The following NRG3 variants were observed in gnomAD, a reference collection of about 807,000 sequenced individuals.
NRG3 encodes the protein pro-neuregulin-3, membrane-bound isoform.
In NRG3, 31 loss-of-function variants were observed where a neutral mutation model predicts 66.9. The observed-to-expected ratio is 0.46, with a 90% CI of 0.35 to 0.63. The LOEUF (loss-of-function observed/expected upper bound fraction) is 0.63. Among genes scored for constraint, NRG3 ranks in the 20% least tolerant of loss-of-function variants. The probability of loss-of-function intolerance (pLI) is 0.00; values close to 1 mark genes in which losing one functional copy is unlikely to be tolerated. For synonymous variants in NRG3, 393 were observed against 359.4 expected (o/e 1.09, Z -1.06); for missense variants, 910 against 878.9 (o/e 1.04, Z -0.45).
At chr10:81,876,223 C>G (rs1430562609) in intron 1 of NRG3, 60 bp downstream of exon 1, 1 of 1,505,184 alleles carries the variant, frequency 6.6e-7, no homozygotes, top group Non-Finnish European at 8.9e-7. Context: ...TGCCCTCCTG[C>G]TGTCTTTTTC....
rs2049266598 is a variant in NRG3 at position 82,624,446 on chromosome 10, C to T, written c.954-114131C>T. Among the ~76,000 whole-genome samples, 2 of 152,042 alleles carry T rather than the reference C, an allele frequency of 1.3e-5. 1 individual carries two copies. Among genetic ancestry groups the T allele is most frequent in the South Asian group, 4.1e-4 (2 of 4,832 alleles). On this transcript the variant is annotated intron_variant, in intron 2 of 8. Transcript: ENST00000372141. Reference sequence around the variant, plus strand: ...AACCATTCTCCTTTTTCCCTTGTGGCAAAATCTAATGATTCCTATCTTTAA... The same window carrying T: ...AACCATTCTCCTTTTTCCCTTGTGGTAAAATCTAATGATTCCTATCTTTAA...
intron 3 of NRG3, among the ~76,000 whole-genome samples, chr10:82,829,009 A>C (rs2062384464): frequency 6.6e-6 from 1 of 152,166 alleles, no homozygotes; most frequent in Non-Finnish European, 1.5e-5. Context: ...TTTTCTCTTT[A>C]GTAAATTTTT....
At chr10:82,442,909 T>C (rs1285058306) in intron 2 of NRG3, among the ~76,000 whole-genome samples, 2 of 150,028 alleles carry the variant, frequency 1.3e-5, no homozygotes, top group Non-Finnish European at 2.9e-5. Flanking sequence ...TTTGGTGTTG[T>C]AGGCTGAACG....
chr10:82,065,872 T>A (rs895274508), intron 1 of NRG3, among the ~76,000 whole-genome samples: 1 of 152,198 alleles, frequency 6.6e-6, no homozygotes, highest in African/African-American at 2.4e-5. Flanking sequence ...CAACTCTTTG[T>A]GTAGTTAAAA....
chr10:82,297,584 A>T (rs1159770486), intron 1 of NRG3, among the ~76,000 whole-genome samples: 1 of 152,184 alleles, frequency 6.6e-6, no homozygotes, highest in African/African-American at 2.4e-5. Context: ...ATTCACCCAT[A>T]AGAAAGCCCC....
At chr10:82,433,609 T>TAA (rs2089957179) in intron 2 of NRG3, among the ~76,000 whole-genome samples, 1 of 152,232 alleles carries the variant, frequency 6.6e-6, no homozygotes, top group Non-Finnish European at 1.5e-5. Flanking sequence ...TTAATCCATC[T>TAA]TCAATTAATT....
At chr10:82,191,402 T>C (rs1438974701) in intron 1 of NRG3, among the ~76,000 whole-genome samples, 1 of 152,164 alleles carries the variant, frequency 6.6e-6, no homozygotes, top group Non-Finnish European at 1.5e-5. Context: ...TGGCCAATTA[T>C]GTATAAATGC....
At chr10:82,926,624 A>T (rs1340209397) in intron 4 of NRG3, among the ~76,000 whole-genome samples, 2 of 152,192 alleles carry the variant, frequency 1.3e-5, no homozygotes, top group Non-Finnish European at 2.9e-5. Flanking sequence ...CCTGACAGAA[A>T]TTTCTTCCCA....
At chr10:82,682,105 A>G (rs181426121) in intron 2 of NRG3, among the ~76,000 whole-genome samples, 259 of 152,316 alleles carry the variant, frequency 1.7e-3, no homozygotes, top group African/African-American at 5.9e-3. Context: ...AAATTTGGAG[A>G]ATAAAAGGTT....
intron 2 of NRG3, among the ~76,000 whole-genome samples, chr10:82,547,873 G>A (rs2044032499): frequency 6.6e-6 from 1 of 152,028 alleles, no homozygotes; most frequent in African/African-American, 2.4e-5. Flanking sequence ...AGGAGATAAA[G>A]CAGAAGAAAC....
chr10:82,291,155 AAC>A lies in NRG3; in HGVS notation c.824-67567_824-67566del, dbSNP rs139150473. Among the ~76,000 whole-genome samples the A allele has an allele frequency of 2.6e-3, 385 of 150,242 alleles. 7 individuals carry two copies. Among genetic ancestry groups the A allele is most frequent in the South Asian group, 1.3e-3 (6 of 4,756 alleles). Reference sequence around the variant, plus strand: ...CAAGGTTGTAGAGTACAAGATTAACAACACACACACACACACACGCACGCACC... The same window carrying A: ...CAAGGTTGTAGAGTACAAGATTAACAACACACACACACACACGCACGCACC... On this transcript the variant is annotated intron_variant, in intron 1 of 8. Transcript: ENST00000372141.
chr10:81,933,244 AC>A (rs1240283822), intron 1 of NRG3, among the ~76,000 whole-genome samples: 3 of 152,128 alleles, frequency 2.0e-5, no homozygotes, highest in African/African-American at 7.2e-5. Flanking sequence ...CTGCTATATG[AC>A]CATGGCAGAC....
At chr10:81,923,406 C>T (rs1018476034) in intron 1 of NRG3, among the ~76,000 whole-genome samples, 13 of 152,272 alleles carry the variant, frequency 8.5e-5, no homozygotes, top group Middle Eastern at 3.4e-3. Context: ...GGGGTTTCAT[C>T]GTGTTAGCCA....
At chr10:82,888,265 C>T (rs370077991) in intron 4 of NRG3, among the ~76,000 whole-genome samples, 1 of 152,150 alleles carries the variant, frequency 6.6e-6, no homozygotes, top group Non-Finnish European at 1.5e-5. Flanking sequence ...GTTTTGTACA[C>T]ACACACTCAC....
rs138574511 is a variant in NRG3 at position 81,889,329 on chromosome 10, G to A, written c.823+13166G>A. ...TCGCATCAGATTCAAAAGGAATGCT[G>A]CTGTTGATTCCTTTCTGTACTCATC... On this transcript the variant is annotated intron_variant, in intron 1 of 8. Coordinates refer to ENST00000372141, the MANE Select transcript of NRG3 (RefSeq NM_001010848.4). The A allele has an allele frequency of 2.6e-5, 4 of 152,316 alleles. No individual in the cohort carries two copies. In the East Asian group the frequency reaches 7.7e-4, roughly 29 times the overall value. 9.4% of individuals were successfully genotyped at this position (152,316 alleles called of 1,614,324 possible). A position where few individuals can be genotyped will look rare whatever the true frequency, so the allele number is the denominator to read the frequency against.
chr10:82,372,409 T>A (rs975961024), intron 2 of NRG3, among the ~76,000 whole-genome samples: 1 of 152,236 alleles, frequency 6.6e-6, no homozygotes, highest in Non-Finnish European at 1.5e-5. Flanking sequence ...TCTGAATTTA[T>A]CTGAATGGAA....
In NRG3 at chr10:82,666,257, C is replaced by G. The variant is rs115750140; in HGVS notation, c.954-72320C>G. Among the ~76,000 whole-genome samples, 849 of 152,280 alleles carry G rather than the reference C, an allele frequency of 5.6e-3. 7 individuals carry two copies. The highest frequency in any genetic ancestry group is 0.02 in the African/African-American group (827 of 41,552). Reference sequence around the variant, plus strand: ...CTGTATTCTCTCCCTTGGTGCTATTCTTTATCATCTATGTGAGCAAGTCTT... The same window carrying G: ...CTGTATTCTCTCCCTTGGTGCTATTGTTTATCATCTATGTGAGCAAGTCTT... On this transcript the variant is annotated intron_variant, in intron 2 of 8. Coordinates refer to ENST00000372141, the MANE Select transcript of NRG3 (RefSeq NM_001010848.4).
chr10:82,301,524 C>T (rs1185369191), intron 1 of NRG3, among the ~76,000 whole-genome samples: 1 of 151,940 alleles, frequency 6.6e-6, no homozygotes, highest in Admixed American at 6.6e-5. Flanking sequence ...ATGAATTTAT[C>T]TACATCCTAG....
chr10:82,204,360 G>T lies in NRG3; in HGVS notation c.824-154379G>T, dbSNP rs542281573. On this transcript the variant is annotated intron_variant, in intron 1 of 8. Coordinates refer to ENST00000372141, the MANE Select transcript of NRG3 (RefSeq NM_001010848.4). ...ACTCTCTCCCATTCTTCACCTAGGG[G>T]TGTTCCTGGAGGCTGCCCTGATTAG... Among the ~76,000 whole-genome samples the T allele has an allele frequency of 2.6e-5, 4 of 152,284 alleles. No homozygotes were observed. In the South Asian group the frequency reaches 8.3e-4, roughly 32 times the overall value.
Sources: gnomAD v4.1 joint callset for allele counts (sites outside exome capture counted in the v4.1 genomes callset) on GRCh38, gnomAD v4.1.1 for gene constraint, MANE v1.5 for transcripts, NCBI Gene and HGNC (gene_info 2026-07-23, HGNC 2026-07-21) for gene names.